Variants in ZMYM2 observed in about 807,000 individuals in gnomAD.
ZMYM2 encodes zinc finger MYM-type containing 2, also known as zinc finger MYM-type protein 2.
In ZMYM2, 56 loss-of-function variants were observed where a neutral mutation model predicts 162.8. The observed-to-expected ratio is 0.34, with a 90% CI of 0.28 to 0.43. The LOEUF is 0.43. ZMYM2 is among the 20% of genes least tolerant of loss of function. The pLI is 1.00. For synonymous variants in ZMYM2, 510 were observed against 541.6 expected (o/e 0.94, Z 0.81); for missense variants, 1,275 against 1,621.8 (o/e 0.79, Z 3.67).
At chr13:19,992,085 A>G (rs1383599722) in intron 2 of ZMYM2, among the ~76,000 whole-genome samples, 1 of 152,158 alleles carries the variant, frequency 6.6e-6, no homozygotes, top group Non-Finnish European at 1.5e-5. Flanking sequence ...TGGGGACCTG[A>G]TATCTTTGGT....
At chr13:19,890,505 TAAA>T in the ZMYM2 span, among the ~76,000 whole-genome samples, 3 of 98,458 alleles carry the variant, frequency 3.0e-5, no homozygotes, top group African/African-American at 1.3e-4. Flanking sequence ...AGTGCTTTTG[TAAA>T]AAAAAAAAAA....
At chr13:20,065,736 A>G (rs1956625560) in intron 19 of ZMYM2, among the ~76,000 whole-genome samples, 1 of 152,204 alleles carries the variant, frequency 6.6e-6, no homozygotes, top group African/African-American at 2.4e-5. Context: ...TGATCGTGCC[A>G]CTGCACTCCA....
intron 21 of ZMYM2, among the ~76,000 whole-genome samples, chr13:20,074,613 A>G (rs111633557): frequency 8.6e-4 from 128 of 148,638 alleles, no homozygotes; most frequent in African/African-American, 3.0e-3. Flanking sequence ...ATCTCAGCTC[A>G]CTGCAAGCTC....
At chr13:19,870,599 T>TTCCTTCCTTCCTTCCTTC in the ZMYM2 span, among the ~76,000 whole-genome samples, 3 of 131,612 alleles carry the variant, frequency 2.3e-5, no homozygotes, top group African/African-American at 9.3e-5. Flanking sequence ...TTCCTTCCTT[T>TTCCTTCCTTCCTTCCTTC]CTTTCTTTCT....
chr13:19,941,966 A>C, the ZMYM2 span, among the ~76,000 whole-genome samples: 1 of 151,720 alleles, frequency 6.6e-6, no homozygotes, highest in Non-Finnish European at 1.5e-5. Flanking sequence ...GGCTGGTCTC[A>C]ATCTCCTGAG....
the ZMYM2 span, among the ~76,000 whole-genome samples, chr13:19,952,349 C>T: frequency 6.6e-6 from 1 of 151,910 alleles, no homozygotes; most frequent in African/African-American, 2.4e-5. Context: ...TGTTTAAAAT[C>T]AATAACAGTA....
At chr13:19,972,483 G>T (rs1406493668) in intron 2 of ZMYM2, among the ~76,000 whole-genome samples, 3 of 151,472 alleles carry the variant, frequency 2.0e-5, no homozygotes, top group Non-Finnish European at 2.9e-5. Context: ...TTTTCACTTA[G>T]TGGTATGTCT....
In ZMYM2 at chr13:20,030,380, C is replaced by T. The variant is rs1046476946; in HGVS notation, c.1852-939C>T. Among the ~76,000 whole-genome samples the T allele has an allele frequency of 1.2e-3, 178 of 146,098 alleles. 1 individual carries two copies. Among genetic ancestry groups the T allele is most frequent in the Middle Eastern group, 3.7e-3 (1 of 268 alleles). On this transcript the variant is annotated intron_variant, in intron 9 of 24. Coordinates refer to ENST00000610343, the MANE Select transcript of ZMYM2 (RefSeq NM_197968.4). ...CCAAGTAGCTGGGATTACAGGCGTGCGCCACCATGCTCAGCTAATTTTTTT... is the reference window on the plus strand; with the variant it reads ...CCAAGTAGCTGGGATTACAGGCGTGTGCCACCATGCTCAGCTAATTTTTTT...
chr13:20,006,702 C>A, intron 6 of ZMYM2, 116 bp downstream of exon 6: 1 of 1,077,668 alleles, frequency 9.3e-7, no homozygotes, highest in Non-Finnish European at 1.3e-6. Context: ...TCATTTAATT[C>A]CATTATTGTT....
At chr13:19,964,866 A>G (rs897889365) in intron 2 of ZMYM2, among the ~76,000 whole-genome samples, 4 of 152,220 alleles carry the variant, frequency 2.6e-5, no homozygotes, top group Non-Finnish European at 5.9e-5. Context: ...TAATCAGGAT[A>G]AATTTGCTAG....
At chr13:20,078,117 C>T (rs1201836385) in intron 21 of ZMYM2, among the ~76,000 whole-genome samples, 1 of 151,950 alleles carries the variant, frequency 6.6e-6, no homozygotes, top group Non-Finnish European at 1.5e-5. Context: ...CTGCACCTGG[C>T]CAGTTTTAAG....
At chr13:20,040,776 G>C (rs1954178286) in intron 12 of ZMYM2, among the ~76,000 whole-genome samples, 1 of 152,198 alleles carries the variant, frequency 6.6e-6, no homozygotes, top group Non-Finnish European at 1.5e-5. Context: ...TGCCTTAGCT[G>C]TGTACCAGAA....
chr13:19,983,147 C>CTTTTTTTT (rs536615645), intron 2 of ZMYM2, among the ~76,000 whole-genome samples: 1 of 141,984 alleles, frequency 7.0e-6, no homozygotes, highest in African/African-American at 2.6e-5. Context: ...CCCACTTTCA[C>CTTTTTTTT]TTTTTTTTTT....
intron 12 of ZMYM2, among the ~76,000 whole-genome samples, chr13:20,037,424 C>G (rs1953823378): frequency 6.6e-6 from 1 of 151,882 alleles, no homozygotes; most frequent in Non-Finnish European, 1.5e-5. Flanking sequence ...CCGTGTTGGC[C>G]AGGTTGGTCT....
chr13:20,062,907 A>C lies in ZMYM2; in HGVS notation c.2973A>C (p.Thr991=). 6.2e-7 allele frequency: 1 copy of C among 1,601,544 alleles called. No homozygotes were observed. Among genetic ancestry groups the C allele is most frequent in the Non-Finnish European group, 8.5e-7 (1 of 1,172,784 alleles). Residue 991 remains threonine (T), a synonymous_variant, in exon 18 of 25, where the codon ACA becomes ACC. Transcript: ENST00000610343. The part of the protein sequence containing the change: ...SDLLKNSDPE[T]QSSMPDVPYE... ...TTTTGAAGAACTCTGACCCAGAGAC[A>C]CAGTCCAGCATGCCTGATGTACCAT...
chr13:20,048,874 A>G (rs1401526692), intron 12 of ZMYM2, among the ~76,000 whole-genome samples: 1 of 151,632 alleles, frequency 6.6e-6, no homozygotes. Context: ...AAAACCACAA[A>G]ATAGATGATG....
chr13:20,046,497 T>G (rs1443645646), intron 12 of ZMYM2, among the ~76,000 whole-genome samples: 1 of 149,926 alleles, frequency 6.7e-6, no homozygotes, highest in African/African-American at 2.5e-5. Context: ...GAGGTGACAG[T>G]GAGCTCTGAT....
intron 9 of ZMYM2, among the ~76,000 whole-genome samples, chr13:20,030,709 G>T (rs868223604): frequency 2.8e-4 from 42 of 151,734 alleles, no homozygotes; most frequent in Middle Eastern, 6.8e-3. Context: ...AATTTTTGTA[G>T]TTTTAGTAGA....
At chr13:19,915,010 C>G in the ZMYM2 span, among the ~76,000 whole-genome samples, 1 of 152,168 alleles carries the variant, frequency 6.6e-6, no homozygotes, top group Non-Finnish European at 1.5e-5. Flanking sequence ...AATGGCACCA[C>G]TCACTATTAC....
Sources: allele counts gnomAD v4.1 joint callset (sites outside exome capture counted in the v4.1 genomes callset), GRCh38; gene constraint gnomAD v4.1.1; transcripts MANE v1.5; gene names NCBI Gene and HGNC (gene_info 2026-07-23, HGNC 2026-07-21).